Variants in XIRP2 observed in about 807,000 individuals in gnomAD.
XIRP2 encodes xin actin-binding repeat-containing protein 2.
In XIRP2, 236 loss-of-function variants were observed where a neutral mutation model predicts 277.0. That is an observed-to-expected ratio of 0.85 (90% confidence interval 0.77 to 0.95). The LOEUF (loss-of-function observed/expected upper bound fraction) is 0.95. Ranked by LOEUF, XIRP2 falls within the 40% of genes least tolerant of loss-of-function variation. XIRP2 has a pLI of 0.00. For synonymous variants in XIRP2, 1,490 were observed against 1,416.5 expected (o/e 1.05, Z -1.17); for missense variants, 4,640 against 4,157.5 (o/e 1.12, Z -3.19).
chr2:167,088,457 C>T (rs1353641248), intron 2 of XIRP2, among the ~76,000 whole-genome samples: 4 of 152,118 alleles, frequency 2.6e-5, no homozygotes, highest in Non-Finnish European at 2.9e-5. Context: ...GTCTTGGCTT[C>T]TAACTCAGTT....
At chr2:166,904,704 T>C (rs752333093) in intron 2 of XIRP2, among the ~76,000 whole-genome samples, 7 of 152,124 alleles carry the variant, frequency 4.6e-5, no homozygotes, top group Non-Finnish European at 5.9e-5. Flanking sequence ...GAAATTATAG[T>C]TGAATTTTGC....
At chr2:167,242,003 T>A in intron 8 of XIRP2, 93 bp downstream of exon 8, 3 of 1,427,096 alleles carry the variant, frequency 2.1e-6, no homozygotes, top group Non-Finnish European at 2.8e-6. Context: ...GAGGTGGCTT[T>A]TCAACAAAAA....
intron 2 of XIRP2, among the ~76,000 whole-genome samples, chr2:167,098,806 C>G (rs1463289516): frequency 1.3e-5 from 2 of 152,216 alleles, no homozygotes; most frequent in Non-Finnish European, 2.9e-5. Flanking sequence ...GGCCGCTCTT[C>G]TGCAGATCTG....
At chr2:167,187,427 G>A (rs16853180) in intron 3 of XIRP2, 82,321 of 985,252 alleles carry the variant, frequency 0.084, 3,584 homozygotes, top group Middle Eastern at 0.17. Context: ...CAGGGGACTG[G>A]GAAATTGGCT....
intron 2 of XIRP2, among the ~76,000 whole-genome samples, chr2:167,042,191 G>A (rs553138589): frequency 1.2e-4 from 19 of 152,164 alleles, no homozygotes; most frequent in Admixed American, 2.6e-4. Context: ...TTGAGGGTGC[G>A]CTAAACATGG....
chr2:167,223,549 G>A (rs953651691), intron 5 of XIRP2, among the ~76,000 whole-genome samples: 2 of 152,154 alleles, frequency 1.3e-5, no homozygotes, highest in African/African-American at 4.8e-5. Flanking sequence ...TCTGACTACT[G>A]TGTGTTTTAG....
At chr2:167,233,306 A>T (rs914658688) in intron 5 of XIRP2, among the ~76,000 whole-genome samples, 1 of 151,962 alleles carries the variant, frequency 6.6e-6, no homozygotes, top group Non-Finnish European at 1.5e-5. Flanking sequence ...TGTCATGTTA[A>T]AGAATTTTTA....
rs185267418 is a variant in XIRP2, at chr2:167,065,679, G to A, written c.409-70230G>A. 5.7e-4 allele frequency among the ~76,000 whole-genome samples: 86 copies of A among 151,420 alleles called. 3 individuals are homozygous for A. Among genetic ancestry groups the A allele is most frequent in the Non-Finnish European group, 1.9e-4 (13 of 67,700 alleles). ...TGTTCCTCCACACTGTCATAATTTC[G>A]GGCTCATTTTATTTCTTTATGAGAT... On this transcript the variant is annotated intron_variant, in intron 2 of 10. Coordinates refer to ENST00000409195, the MANE Select transcript of XIRP2 (RefSeq NM_152381.6).
chr2:166,890,679 G>A (rs913857385), intron 1 of XIRP2, among the ~76,000 whole-genome samples: 1 of 152,152 alleles, frequency 6.6e-6, no homozygotes, highest in Non-Finnish European at 1.5e-5. Context: ...TGTGGGTGTA[G>A]CAGAAGCTGA....
intron 2 of XIRP2, among the ~76,000 whole-genome samples, chr2:167,005,159 T>A (rs967282224): frequency 6.6e-6 from 1 of 151,886 alleles, no homozygotes; most frequent in Non-Finnish European, 1.5e-5. Flanking sequence ...AATTTCATAG[T>A]TTTTCCAATT....
At chr2:167,090,045 A>G (rs1310427355) in intron 2 of XIRP2, among the ~76,000 whole-genome samples, 1 of 152,164 alleles carries the variant, frequency 6.6e-6, no homozygotes, top group Non-Finnish European at 1.5e-5. Flanking sequence ...TCTATAAATC[A>G]GATCAAATGC....
intron 2 of XIRP2, among the ~76,000 whole-genome samples, chr2:167,028,489 C>G (rs1434300780): frequency 6.6e-6 from 1 of 152,048 alleles, no homozygotes; most frequent in Non-Finnish European, 1.5e-5. Flanking sequence ...GTAAGAGTCA[C>G]AGTGTTACTG....
intron 2 of XIRP2, among the ~76,000 whole-genome samples, chr2:166,923,696 A>T (rs1685111342): frequency 6.6e-6 from 1 of 152,106 alleles, no homozygotes; most frequent in South Asian, 2.1e-4. Flanking sequence ...AAATACTTGC[A>T]GTTTCAAGGA....
chr2:167,082,395 G>C (rs1037066267), intron 2 of XIRP2, among the ~76,000 whole-genome samples: 1 of 151,820 alleles, frequency 6.6e-6, no homozygotes, highest in African/African-American at 2.4e-5. Context: ...GAATAATGCC[G>C]CAATAAACAT....
chr2:167,169,144 T>A (rs1028291334), intron 3 of XIRP2, among the ~76,000 whole-genome samples: 7 of 152,212 alleles, frequency 4.6e-5, no homozygotes, highest in African/African-American at 1.7e-4. Context: ...TATAGTCCTA[T>A]GATTAGGCTC....
At chr2:166,909,826 T>C (rs1041663308) in intron 2 of XIRP2, among the ~76,000 whole-genome samples, 1 of 152,232 alleles carries the variant, frequency 6.6e-6, no homozygotes, top group Non-Finnish European at 1.5e-5. Flanking sequence ...CATGAAGTGC[T>C]GTTGAATTTT....
chr2:167,157,032 C>T, intron 3 of XIRP2, among the ~76,000 whole-genome samples: 1 of 151,998 alleles, frequency 6.6e-6, no homozygotes, highest in East Asian at 1.9e-4. Context: ...TACATTTTTC[C>T]AATTCCCACT....
chr2:167,011,840 A>T (rs191999155), intron 2 of XIRP2, among the ~76,000 whole-genome samples: 1 of 151,808 alleles, frequency 6.6e-6, no homozygotes, highest in Admixed American at 6.6e-5. Flanking sequence ...TTTCTCCTAG[A>T]TTTTCTAGTT....
At chr2:166,955,619 G>A (rs75639465) in intron 2 of XIRP2, among the ~76,000 whole-genome samples, 5,190 of 151,798 alleles carry the variant, frequency 0.034, 107 homozygotes, top group East Asian at 0.059. Context: ...ATTATCAAGC[G>A]TAGTTTGAAT....
Sources: allele counts gnomAD v4.1 joint callset (sites outside exome capture counted in the v4.1 genomes callset), GRCh38; gene constraint gnomAD v4.1.1; transcripts MANE v1.5; gene names NCBI Gene and HGNC (gene_info 2026-07-23, HGNC 2026-07-21).